Variants in ARID5B observed in about 807,000 individuals in gnomAD.
The protein encoded by ARID5B is AT-rich interaction domain 5B.
In ARID5B, 13 loss-of-function variants were observed where a neutral mutation model predicts 97.2. The ratio of observed to expected loss-of-function variants is 0.13; its 90% CI spans 0.09 to 0.21. The LOEUF is 0.21. Among genes scored for constraint, ARID5B ranks in the 10% least tolerant of loss-of-function variants. The pLI is 1.00. For synonymous variants in ARID5B, 556 were observed against 570.3 expected, an observed-to-expected ratio of 0.97 and a Z score of 0.36; for missense variants, 1,210 against 1,465.3, an observed-to-expected ratio of 0.83 and a Z score of 2.84.
intron 3 of ARID5B, among the ~76,000 whole-genome samples, chr10:61,958,600 C>T (rs1027133088): frequency 2.6e-5 from 4 of 152,222 alleles, no homozygotes; most frequent in African/African-American, 9.6e-5. Flanking sequence ...ATCCCATGTA[C>T]TACTCTTCCT....
At chr10:61,911,589 T>C (rs2393781) in intron 2 of ARID5B, among the ~76,000 whole-genome samples, 63,033 of 152,036 alleles carry the variant, frequency 0.41, 13,300 homozygotes, top group Non-Finnish European at 0.46. Flanking sequence ...ATAATAGTGC[T>C]TCCAGTCCTG....
intron 9 of ARID5B, among the ~76,000 whole-genome samples, chr10:62,087,990 G>C (rs536995529): frequency 6.6e-6 from 1 of 151,438 alleles, no homozygotes; most frequent in Non-Finnish European, 1.5e-5. Flanking sequence ...TCAGCCTCCC[G>C]AGTAGCTAGG....
rs1317749926 is a variant in ARID5B at position 62,091,258 on chromosome 10, C to G, written c.1795C>G (p.Pro599Ala). 1.2e-6 allele frequency: 2 copies of G among 1,614,008 alleles called. No homozygotes were observed. Among genetic ancestry groups the G allele is most frequent in the African/African-American group, 1.3e-5 (1 of 74,900 alleles). The change falls in exon 10 of 10, where the codon CCC becomes GCC. Residue 599 changes from proline (P) to alanine (A), a missense_variant. Coordinates refer to ENST00000279873, the MANE Select transcript of ARID5B (RefSeq NM_032199.3). ...CCAAGAAGCATCCTTCCCCAGCTTC[C>G]CCACCACACAGCCACCGCTGGCAAA... ...EPQEASFPSF[P>A]TTQPPLANQN...
chr10:62,077,188 G>A (rs1840148733), intron 8 of ARID5B, among the ~76,000 whole-genome samples: 1 of 152,136 alleles, frequency 6.6e-6, no homozygotes. Context: ...AGGACAGTCA[G>A]GTAATTTCAT....
At chr10:61,958,434 G>A (rs1838423012) in intron 3 of ARID5B, among the ~76,000 whole-genome samples, 1 of 151,468 alleles carries the variant, frequency 6.6e-6, no homozygotes, top group African/African-American at 2.4e-5. Context: ...CACCATCTTG[G>A]CCAGGCTGGT....
At chr10:62,006,837 A>G (rs1839153179) in intron 4 of ARID5B, among the ~76,000 whole-genome samples, 1 of 152,196 alleles carries the variant, frequency 6.6e-6, no homozygotes, top group African/African-American at 2.4e-5. Flanking sequence ...ACTTGAAAGG[A>G]GATTTAAAAA....
At position 62,095,597 on chromosome 10, in the gene ARID5B, A is replaced by C. The variant is rs1840458328; in HGVS notation, c.*2567A>C. On this transcript the variant is annotated 3_prime_UTR_variant, in exon 10 of 10. Coordinates refer to ENST00000279873, the MANE Select transcript of ARID5B (RefSeq NM_032199.3). ...AGGAAGCTCATACCCTCGGCAAAAC[A>C]TCAGGACAAATAAAGAGAAATGGGG... 1 of 233,610 alleles carries C rather than the reference A, an allele frequency of 4.3e-6. No individual in the cohort carries two copies. The highest frequency in any genetic ancestry group is 8.5e-6 in the Non-Finnish European group (1 of 117,940). The allele number at this position is 233,610 out of a possible 1,614,324, so 14.5% of individuals were successfully genotyped here.
chr10:62,017,272 G>A (rs1474747899), intron 4 of ARID5B, among the ~76,000 whole-genome samples: 1 of 152,082 alleles, frequency 6.6e-6, no homozygotes, highest in Non-Finnish European at 1.5e-5. Flanking sequence ...GGCCAACATG[G>A]TGAAACCCTG....
At chr10:62,070,288 T>C (rs1840046986) in intron 8 of ARID5B, among the ~76,000 whole-genome samples, 1 of 152,226 alleles carries the variant, frequency 6.6e-6, no homozygotes. Flanking sequence ...TACCAAGCTC[T>C]GTGTGGCTTG....
chr10:62,015,241 C>G (rs1009010636), intron 4 of ARID5B, among the ~76,000 whole-genome samples: 1 of 152,128 alleles, frequency 6.6e-6, no homozygotes, highest in African/African-American at 2.4e-5. Flanking sequence ...TATTGAGCAC[C>G]TACTATGTTC....
chr10:61,985,354 G>A (rs895916607), intron 3 of ARID5B, among the ~76,000 whole-genome samples: 3 of 152,052 alleles, frequency 2.0e-5, no homozygotes, highest in African/African-American at 7.2e-5. Context: ...AAAGAGGGAT[G>A]GTGGCTTTTG....
chr10:62,078,273 G>A (rs1840164105), intron 8 of ARID5B, among the ~76,000 whole-genome samples: 2 of 152,166 alleles, frequency 1.3e-5, no homozygotes, highest in African/African-American at 4.8e-5. Context: ...TGGATTGCTT[G>A]TACCCAGGAG....
intron 2 of ARID5B, among the ~76,000 whole-genome samples, chr10:61,912,819 T>A (rs1843830288): frequency 2.0e-5 from 3 of 152,232 alleles, no homozygotes; most frequent in South Asian, 4.1e-4. Flanking sequence ...CAAGCCAAGT[T>A]ACCCCCCAGT....
intron 2 of ARID5B, among the ~76,000 whole-genome samples, 182 bp from the exon 3 acceptor site, chr10:61,940,001 C>T (rs946679245): frequency 2.0e-5 from 3 of 152,174 alleles, no homozygotes; most frequent in Non-Finnish European, 2.9e-5. Context: ...AAACAACTAG[C>T]AGTGAAAAAC....
intron 2 of ARID5B, among the ~76,000 whole-genome samples, chr10:61,930,636 C>A (rs1016748387): frequency 4.6e-5 from 7 of 151,816 alleles, no homozygotes; most frequent in African/African-American, 1.7e-4. Context: ...AGGAGAATGG[C>A]GTGAACCCGG....
intron 2 of ARID5B, among the ~76,000 whole-genome samples, chr10:61,906,313 A>G (rs899662396): frequency 6.6e-6 from 1 of 152,226 alleles, no homozygotes; most frequent in African/African-American, 2.4e-5. Context: ...GGCCATGTGC[A>G]AGGAGTTAAG....
intron 4 of ARID5B, among the ~76,000 whole-genome samples, chr10:62,050,272 A>C (rs113568688): frequency 1.3e-5 from 2 of 152,206 alleles, no homozygotes; most frequent in African/African-American, 4.8e-5. Context: ...ATTTAAATGT[A>C]TCTGTCAGAT....
chr10:62,046,497 A>T (rs1204516290), intron 4 of ARID5B, among the ~76,000 whole-genome samples: 1 of 152,236 alleles, frequency 6.6e-6, no homozygotes, highest in Non-Finnish European at 1.5e-5. Context: ...ATAATTCATT[A>T]ATATTTGAAG....
intron 3 of ARID5B, among the ~76,000 whole-genome samples, chr10:61,994,638 T>C (rs1307118789): frequency 6.6e-6 from 1 of 152,136 alleles, no homozygotes; most frequent in African/African-American, 2.4e-5. Context: ...AGCCCAACTC[T>C]GAGGATTAAA....
Sources: gnomAD v4.1 joint callset for allele counts (sites outside exome capture counted in the v4.1 genomes callset) on GRCh38, gnomAD v4.1.1 for gene constraint, MANE v1.5 for transcripts, NCBI Gene and HGNC (gene_info 2026-07-23, HGNC 2026-07-21) for gene names.